MAN2A2: variants seen among roughly 807,000 people sequenced by gnomAD.
MAN2A2 encodes the protein alpha-mannosidase 2x.
Under a neutral mutation model 126.8 loss-of-function variants are expected in MAN2A2, and 79 were observed. That is an observed-to-expected ratio of 0.62 (90% CI 0.52 to 0.75). The LOEUF is 0.75. Ranked by LOEUF, MAN2A2 falls within the 30% of genes least tolerant of loss-of-function variation. The pLI is 0.00. For missense variants in MAN2A2, 1,392 were observed against 1,522.4 expected, an observed-to-expected ratio of 0.91 and a Z score of 1.43; for synonymous variants, 671 against 618.7, an observed-to-expected ratio of 1.08 and a Z score of -1.25.
Position 90,907,313 on chromosome 15 carries a change from G to C in MAN2A2, c.1014G>C (p.Ser338=). The C allele has an allele frequency of 6.2e-7, 1 of 1,612,986 alleles. No homozygotes were observed. The change falls in exon 8 of 23, where the codon TCG becomes TCC. Residue 338 remains serine (S), a synonymous_variant. Coordinates refer to ENST00000559717, the MANE Select transcript of MAN2A2 (RefSeq NM_006122.4). The part of the protein sequence containing the change: ...LEFMWRQTWD[S]DSSTDIFCHM... ...CACGTGGTGTGTCTCCTGCAGACTCGGACTCCAGCACAGACATCTTCTGTC... is the reference window on the plus strand; with the variant it reads ...CACGTGGTGTGTCTCCTGCAGACTCCGACTCCAGCACAGACATCTTCTGTC...
At position 90,918,875 on chromosome 15, in the gene MAN2A2, A is replaced by AG. The variant is rs929594509; in HGVS notation, c.3300+126dup. The stretch of plus-strand genomic sequence containing the variant: ...GTCACTCCAGGGCTTTCTGGAGAGA[A>AG]GGGGGGAAGCTGTAGACATGTTTTC... On this transcript the variant is annotated intron_variant, in intron 22 of 22. Coordinates refer to ENST00000559717, the MANE Select transcript of MAN2A2 (RefSeq NM_006122.4). The AG allele has an allele frequency of 1.6e-5, 12 of 731,618 alleles. No individual in the cohort carries two copies. The East Asian group carries it at 3.0e-4, about 18-fold the overall frequency. 45.3% of individuals were successfully genotyped at this position (731,618 alleles called of 1,614,324 possible).
intron 8 of MAN2A2, among the ~76,000 whole-genome samples, chr15:90,908,471 A>T (rs2034466783): frequency 6.6e-6 from 1 of 152,216 alleles, no homozygotes; most frequent in Non-Finnish European, 1.5e-5. Context: ...TTTGCCAATA[A>T]TTTGGATGAA....
intron 17 of MAN2A2, 117 bp downstream of exon 17, chr15:90,913,108 G>C: frequency 2.6e-6 from 3 of 1,150,382 alleles, no homozygotes; most frequent in Non-Finnish European, 3.8e-6. Flanking sequence ...TTGAGACAGG[G>C]ATGCTCCATT....
chr15:90,912,758 C>A, intron 16 of MAN2A2, 94 bp downstream of exon 16: 1 of 1,585,674 alleles, frequency 6.3e-7, no homozygotes, highest in Non-Finnish European at 8.6e-7. Context: ...GGGGCCTTGT[C>A]TTTCCTGTTC....
chr15:90,904,119 G>T, intron 1 of MAN2A2, 71 bp from the exon 2 acceptor site: 2 of 1,542,764 alleles, frequency 1.3e-6, no homozygotes, highest in Non-Finnish European at 9.0e-7. Flanking sequence ...GGAACTCACT[G>T]GGGTATTTGG....
rs990976688 is a variant in MAN2A2 at position 90,921,966 on chromosome 15, A to T, written c.*2179A>T. 6.6e-6 allele frequency: 1 copy of T among 152,156 alleles called. No individual in the cohort carries two copies. Among genetic ancestry groups the T allele is most frequent in the African/African-American group, 2.4e-5 (1 of 41,442 alleles). 9.4% of individuals were successfully genotyped at this position (152,156 alleles called of 1,614,324 possible). On this transcript the variant is annotated 3_prime_UTR_variant, in exon 23 of 23. Coordinates refer to ENST00000559717, the MANE Select transcript of MAN2A2 (RefSeq NM_006122.4). ...CTACCTCACAGTGTCCATACAAATT[A>T]GTTCCAGAGGGAAGATATACCACAA...
At chr15:90,919,204 A>C (rs145624779) in intron 22 of MAN2A2, among the ~76,000 whole-genome samples, 6 of 152,302 alleles carry the variant, frequency 3.9e-5, no homozygotes, top group Non-Finnish European at 8.8e-5. Flanking sequence ...TTTAGGGTTG[A>C]GCAAATCTCA....
rs963232626 is a variant in MAN2A2 at position 90,905,566 on chromosome 15, G to A, written c.391-13G>A. 1.2e-6 allele frequency: 2 copies of A among 1,614,092 alleles called. No individual in the cohort carries two copies. The highest frequency in any genetic ancestry group is 1.7e-6 in the Non-Finnish European group (2 of 1,180,058). On this transcript the variant is annotated splice_polypyrimidine_tract_variant and intron_variant, in intron 3 of 22. Transcript: ENST00000559717. ...GCCACGACTGGGGTACTGAGCTGCA[G>A]TTCACCTGGCAGATGCTCACTGTGT...
rs756315188 is a variant in MAN2A2, at chr15:90,906,510, C to A, written c.835+13C>A. ...GAGAGAAATCTTGGTAAGTCCAGGC[C>A]CAGGCATGGGGGTCTGCCCCCTGGG... On this transcript the variant is annotated intron_variant, in intron 6 of 22. Transcript: ENST00000559717. 1.2e-6 allele frequency: 2 copies of A among 1,614,122 alleles called. No homozygotes were observed. Among genetic ancestry groups the A allele is most frequent in the Admixed American group, 3.3e-5 (2 of 60,022 alleles).
Position 90,910,095 on chromosome 15 carries a change from G to T in MAN2A2, c.1380G>T (p.Gln460His). The T allele has an allele frequency of 6.2e-7, 1 of 1,611,606 alleles. No individual in the cohort carries two copies. The highest frequency in any genetic ancestry group is 8.5e-7 in the Non-Finnish European group (1 of 1,178,728). The change falls in exon 10 of 23, where the codon CAG (glutamine) becomes CAT (histidine). Residue 460 changes from glutamine to histidine, a missense_variant. Coordinates refer to ENST00000559717, the MANE Select transcript of MAN2A2 (RefSeq NM_006122.4). ...GGTTTTTGGGGTTCCCACAGGCCCA[G>T]TTTGGCACTCTTTCTGACTATTTTG... is the stretch of plus-strand genomic sequence containing the variant. Reference protein sequence around the residue: ...NSRPNLHVQAQFGTLSDYFDA... With the variant: ...NSRPNLHVQAHFGTLSDYFDA...
Position 90,910,108 on chromosome 15 carries a change from TCTGA to T in MAN2A2, c.1396_1399del (p.Asp466IlefsTer23). The T allele has an allele frequency of 1.9e-6, 3 of 1,613,104 alleles. No homozygotes were observed. Among genetic ancestry groups the T allele is most frequent in the South Asian group, 1.1e-5 (1 of 91,044 alleles). ...CCCACAGGCCCAGTTTGGCACTCTTTCTGACTATTTTGATGCCCTGTACAAGAGG... is the reference window on the plus strand; with the variant it reads ...CCCACAGGCCCAGTTTGGCACTCTTTCTATTTTGATGCCCTGTACAAGAGG... On this transcript the variant is annotated frameshift_variant, in exon 10 of 23. Coordinates refer to ENST00000559717, the MANE Select transcript of MAN2A2 (RefSeq NM_006122.4). LOFTEE classifies it high-confidence loss of function.
At chr15:90,905,116 A>G (rs556220932) in intron 2 of MAN2A2, 135 bp from the exon 3 acceptor site, 306 of 900,398 alleles carry the variant, frequency 3.4e-4, no homozygotes, top group Admixed American at 1.7e-3. Context: ...GGTGTCATCT[A>G]TCCCTCTAGG....
At position 90,909,351 on chromosome 15, in the gene MAN2A2, C is replaced by T. The variant is rs764745571; in HGVS notation, c.1221C>T (p.Tyr407=). 3.1e-6 allele frequency: 5 copies of T among 1,613,252 alleles called. No individual in the cohort carries two copies. The highest frequency in any genetic ancestry group is 3.4e-6 in the Non-Finnish European group (4 of 1,179,282). The change falls in exon 9 of 23, where the codon TAC becomes TAT. Residue 407 remains tyrosine, a synonymous_variant. Coordinates refer to ENST00000559717, the MANE Select transcript of MAN2A2 (RefSeq NM_006122.4). ...AERAALLLDQ[Y]RKKSQLFRSN... The stretch of plus-strand genomic sequence containing the variant: ...GGGCAGCCCTGCTTCTGGACCAATA[C>T]CGGAAGAAGTCCCAGCTGTTCCGAA...
intron 9 of MAN2A2, 70 bp downstream of exon 9, chr15:90,909,574 C>CCTGGGT (rs911080045): frequency 2.1e-5 from 31 of 1,469,236 alleles, no homozygotes; most frequent in African/African-American, 2.9e-5. Flanking sequence ...GAGACCGTGC[C>CCTGGGT]CTGGGTTCCC....
At chr15:90,906,233 C>T in intron 5 of MAN2A2, 137 bp from the exon 6 acceptor site, 4 of 1,309,016 alleles carry the variant, frequency 3.1e-6, no homozygotes, top group Non-Finnish European at 4.3e-6. Flanking sequence ...GAAAGGAGGG[C>T]AAGTGTGTGT....
rs1178785476 is a variant in MAN2A2, at chr15:90,912,601, T to C, written c.2406T>C (p.Tyr802=). The C allele has an allele frequency of 1.2e-6, 2 of 1,614,072 alleles. No homozygotes were observed. The highest frequency in any genetic ancestry group is 1.7e-6 in the Non-Finnish European group (2 of 1,180,034). ...EQQVDMQVLV[Y]GTRTSKDKSG... is the part of the protein sequence containing the mutation. ...AGGTGGACATGCAGGTCCTTGTCTA[T>C]GGCACCCGTACGTCCAAAGACAAGA... is the stretch of plus-strand genomic sequence containing the variant. The change falls in exon 16 of 23, where the codon TAT becomes TAC. Residue 802 remains tyrosine (Y), a synonymous_variant. Transcript: ENST00000559717.
At chr15:90,905,023 C>T (rs186574775) in intron 2 of MAN2A2, among the ~76,000 whole-genome samples, 2 of 152,160 alleles carry the variant, frequency 1.3e-5, no homozygotes, top group Non-Finnish European at 2.9e-5. Context: ...CTTTGCCATC[C>T]CTGAGCTAGA....
chr15:90,913,754 T>C lies in MAN2A2; in HGVS notation c.2859T>C (p.Asp953=), dbSNP rs201284987. ...AQALGVSSLK[D]GQLEVILDRR... ...CCCTGGGTGTCTCTAGCCTCAAAGA[T>C]GGTGAGTAGGGCCCAGGAGTTCTGC... is the stretch of plus-strand genomic sequence containing the variant. Residue 953 remains aspartate, a splice_region_variant and synonymous_variant, in exon 19 of 23, where the codon GAT becomes GAC. Transcript: ENST00000559717. The C allele has an allele frequency of 2.6e-5, 42 of 1,591,062 alleles. No homozygotes were observed. In the East Asian group the frequency reaches 8.8e-4, roughly 34 times the overall value.
At position 90,910,145 on chromosome 15, in the gene MAN2A2, T is replaced by C; in HGVS notation, c.1430T>C (p.Val477Ala). 6.2e-7 allele frequency: 1 copy of C among 1,613,898 alleles called. No homozygotes were observed. The highest frequency in any genetic ancestry group is 8.5e-7 in the Non-Finnish European group (1 of 1,179,970). The change falls in exon 10 of 23, where the codon GTG (valine) becomes GCG (alanine). Residue 477 changes from valine (V) to alanine (A), a missense_variant. Coordinates refer to ENST00000559717, the MANE Select transcript of MAN2A2 (RefSeq NM_006122.4). ...YFDALYKRTG[V>A]EPGARPPGFP... is the part of the protein sequence containing the mutation. ...GATGCCCTGTACAAGAGGACAGGGG[T>C]GGAGCCAGGGGCCCGGCCTCCAGGG...
Sources: allele counts gnomAD v4.1 joint callset (sites outside exome capture counted in the v4.1 genomes callset), GRCh38; gene constraint gnomAD v4.1.1; transcripts MANE v1.5; gene names NCBI Gene and HGNC (gene_info 2026-07-23, HGNC 2026-07-21).